ESYT3: variants seen among roughly 807,000 people sequenced by gnomAD.
The protein encoded by ESYT3 is extended synaptotagmin 3.
Under a neutral mutation model 111.5 loss-of-function variants are expected in ESYT3, and 101 were observed. The observed-to-expected ratio is 0.91, with a 90% confidence interval of 0.77 to 1.07. ESYT3 has a LOEUF of 1.07. Ranked by LOEUF, ESYT3 falls within the 50% of genes least tolerant of loss-of-function variation. The pLI, the probability that ESYT3 is intolerant of heterozygous loss-of-function variation, is 0.00. For missense variants in ESYT3, 1,097 were observed against 1,109.4 expected (o/e 0.99, Z 0.16); for synonymous variants, 416 against 446.8 (o/e 0.93, Z 0.87).
chr3:138,463,504 G>A (rs919726702), intron 8 of ESYT3, among the ~76,000 whole-genome samples: 9 of 152,214 alleles, frequency 5.9e-5, no homozygotes, highest in South Asian at 2.1e-4. Flanking sequence ...CTATGGGAAT[G>A]TACTGAAGTT....
At chr3:138,448,266 TAA>T (rs71146126) in intron 1 of ESYT3, among the ~76,000 whole-genome samples, 461 of 44,584 alleles carry the variant, frequency 0.01, no homozygotes, top group African/African-American at 0.037. Flanking sequence ...AAACTCGATC[TAA>T]AAAAAAAAAA....
At chr3:138,460,173 C>T in intron 6 of ESYT3, 139 bp downstream of exon 6, 1 of 698,692 alleles carries the variant, frequency 1.4e-6, no homozygotes, top group South Asian at 1.8e-5. Flanking sequence ...CTCCTTATCT[C>T]ATTTAATCCT....
At chr3:138,447,338 G>T (rs1458851820) in intron 1 of ESYT3, among the ~76,000 whole-genome samples, 1 of 152,016 alleles carries the variant, frequency 6.6e-6, no homozygotes, top group Non-Finnish European at 1.5e-5. Flanking sequence ...AGGCCACAAA[G>T]AAATAAAATT....
At chr3:138,441,936 G>C (rs2031181893) in intron 1 of ESYT3, among the ~76,000 whole-genome samples, 2 of 152,204 alleles carry the variant, frequency 1.3e-5, no homozygotes, top group East Asian at 1.9e-4. Flanking sequence ...CTCTGTGGGA[G>C]GGCAGGCCGA....
At chr3:138,443,683 CTGTT>C (rs143834435) in intron 1 of ESYT3, among the ~76,000 whole-genome samples, 27 of 151,972 alleles carry the variant, frequency 1.8e-4, no homozygotes, top group Non-Finnish European at 2.9e-4. Flanking sequence ...GCGGATGTGT[CTGTT>C]TAGTTTGTGT....
At chr3:138,480,137 T>TAGAC (rs2033658324), downstream of ESYT3, 1 of 152,132 alleles carries the variant, frequency 6.6e-6, no homozygotes, top group Non-Finnish European at 1.5e-5. Context: ...AAAGACATAG[T>TAGAC]AGACAATACA....
At chr3:138,470,578 C>T in intron 16 of ESYT3, 1 of 1,181,168 alleles carries the variant, frequency 8.5e-7, no homozygotes, top group Non-Finnish European at 1.1e-6. Context: ...CTTTTAGGGC[C>T]CTGAGCCCTG....
chr3:138,435,867 C>G lies in ESYT3; in HGVS notation c.327+742C>G, dbSNP rs1293595903. Among the ~76,000 whole-genome samples the G allele has an allele frequency of 6.6e-6, 1 of 152,190 alleles. No homozygotes were observed. Among genetic ancestry groups the G allele is most frequent in the Non-Finnish European group, 1.5e-5 (1 of 68,026 alleles). The stretch of plus-strand genomic sequence containing the variant: ...TGGCACAGAGGTATCCTGGGTGATT[C>G]TTATGATTAGGTGAGCTTGGGAAAC... On this transcript the variant is annotated intron_variant, in intron 1 of 22. Transcript: ENST00000389567. This position sits in a 1 kb window ranked among gnomAD's most constrained non-coding sequence, Gnocchi z 4.8.
intron 11 of ESYT3, 89 bp downstream of exon 11, chr3:138,467,698 C>G (rs2033001370): frequency 3.2e-6 from 4 of 1,245,800 alleles, no homozygotes; most frequent in Middle Eastern, 2.3e-4. Flanking sequence ...CCCAGCTATT[C>G]CTATGCTGTG....
chr3:138,438,527 C>T (rs997110372), intron 1 of ESYT3, among the ~76,000 whole-genome samples: 4 of 152,214 alleles, frequency 2.6e-5, no homozygotes, highest in Non-Finnish European at 2.9e-5. Flanking sequence ...CATCCTTCCC[C>T]ACTGCCATCC....
rs535905050 is a variant in ESYT3, at chr3:138,452,116, G to A, written c.369+27G>A. The A allele has an allele frequency of 1.5e-5, 24 of 1,605,100 alleles. No individual in the cohort carries two copies. The South Asian group carries it at 2.6e-4, about 18-fold the overall frequency. Reference sequence around the variant, plus strand: ...TAAGGCCGCTGGCAGGGCCTAGCAGGGCCGGACGCATGCCAGCCTCGTCCT... The same window carrying A: ...TAAGGCCGCTGGCAGGGCCTAGCAGAGCCGGACGCATGCCAGCCTCGTCCT... On this transcript the variant is annotated intron_variant, in intron 2 of 22. Transcript: ENST00000389567.
chr3:138,460,115 G>C (rs1203268582), intron 6 of ESYT3, 81 bp downstream of exon 6: 1 of 1,255,592 alleles, frequency 8.0e-7, no homozygotes, highest in African/African-American at 1.5e-5. Flanking sequence ...TTGGGTTTGA[G>C]TCCAAGAATG....
chr3:138,476,183 A>G (rs1361653780), intron 20 of ESYT3, 40 bp from the exon 21 acceptor site: 4 of 1,306,616 alleles, frequency 3.1e-6, no homozygotes, highest in Non-Finnish European at 4.4e-6. Flanking sequence ...AGAAAACTGA[A>G]TGAAATGCAT....
chr3:138,467,194 C>T (rs2032971877), intron 10 of ESYT3, among the ~76,000 whole-genome samples: 1 of 152,110 alleles, frequency 6.6e-6, no homozygotes, highest in African/African-American at 2.4e-5. Context: ...GGGTACAGGA[C>T]CAGGAGGCCA....
intron 19 of ESYT3, 92 bp downstream of exon 19, chr3:138,473,726 T>C (rs959736679): frequency 1.8e-5 from 19 of 1,079,954 alleles, no homozygotes; most frequent in South Asian, 4.1e-5. Flanking sequence ...AAAGGGCACA[T>C]AGTCCCAAGA....
At chr3:138,467,634 G>A (rs749290293) in intron 11 of ESYT3, 25 bp downstream of exon 11, 20 of 1,612,558 alleles carry the variant, frequency 1.2e-5, no homozygotes, top group Middle Eastern at 1.7e-4. Context: ...TGCAACCCTC[G>A]GGGGAGTTTC....
intron 14 of ESYT3, 29 bp downstream of exon 14, chr3:138,468,910 G>A (rs1331459537): frequency 1.9e-6 from 3 of 1,612,534 alleles, no homozygotes; most frequent in East Asian, 4.5e-5. Flanking sequence ...AAAAACTCCA[G>A]GGAGGGCAAA....
chr3:138,443,264 A>G (rs767945765), intron 1 of ESYT3, among the ~76,000 whole-genome samples: 4 of 152,240 alleles, frequency 2.6e-5, no homozygotes, highest in Non-Finnish European at 5.9e-5. Context: ...TGGCAAAGCA[A>G]TTGTTTCCCT....
rs2108633518 is a variant in ESYT3, at chr3:138,476,341, G to A, written c.2574+13G>A. ...GGAGTTAGGAAAAGTAAGTACAAGA[G>A]ATATTTGATATACCAAGGAGATTAT... On this transcript the variant is annotated intron_variant, in intron 21 of 22. Coordinates refer to ENST00000389567, the MANE Select transcript of ESYT3 (RefSeq NM_031913.5). The A allele has an allele frequency of 6.2e-7, 1 of 1,605,626 alleles. No homozygotes were observed. Among genetic ancestry groups the A allele is most frequent in the East Asian group, 2.2e-5 (1 of 44,820 alleles).
Sources: gnomAD v4.1 joint callset for allele counts (sites outside exome capture counted in the v4.1 genomes callset) on GRCh38, gnomAD v4.1.1 for gene constraint, Gnocchi (gnomAD v3.1) non-coding constraint, MANE v1.5 for transcripts, NCBI Gene and HGNC (gene_info 2026-07-23, HGNC 2026-07-21) for gene names.